MYO1F: variants seen among roughly 807,000 people sequenced by gnomAD.
MYO1F encodes unconventional myosin-If.
In MYO1F, 60 loss-of-function variants were observed where a neutral mutation model predicts 146.6. The ratio of observed to expected loss-of-function variants is 0.41; its 90% CI spans 0.33 to 0.51. The LOEUF (loss-of-function observed/expected upper bound fraction) is 0.51. Ranked by LOEUF, MYO1F falls within the 20% of genes least tolerant of loss-of-function variation. MYO1F has a pLI of 0.25. For synonymous variants in MYO1F, 602 were observed against 602.1 expected, an observed-to-expected ratio of 1.00 and a Z score of 0.00; for missense variants, 1,274 against 1,534.3, an observed-to-expected ratio of 0.83 and a Z score of 2.83.
intron 2 of MYO1F, 71 bp downstream of exon 2, chr19:8,555,588 C>T (rs773215733): frequency 6.5e-5 from 104 of 1,604,418 alleles, no homozygotes; most frequent in East Asian, 2.7e-4. Flanking sequence ...CTCCTTCACC[C>T]TCCTCTCCGT....
rs749937426 is a variant in MYO1F, at chr19:8,553,272, A to AG, written c.415-45dup. On this transcript the variant is annotated intron_variant, in intron 5 of 27. Transcript: ENST00000644032. ...GAGTGGGAAGAAGTCAGACTGAGGC[A>AG]GGAGTGCAGATGGGTGGGGCTGCAC... The AG allele has an allele frequency of 2.5e-6, 4 of 1,610,570 alleles. No homozygotes were observed. The South Asian group carries it at 4.4e-5, about 18-fold the overall frequency.
chr19:8,543,768 CTGGT>C lies in MYO1F; in HGVS notation c.1524+525_1524+528del, dbSNP rs1973133575. Among the ~76,000 whole-genome samples the C allele has an allele frequency of 2.7e-4, 3 of 10,946 alleles. 1 individual carries two copies. The highest frequency in any genetic ancestry group is 1.0e-3 in the African/African-American group (2 of 1,910). 7.2% of individuals were successfully genotyped at this position (10,946 alleles called of 152,430 possible). A position where few individuals can be genotyped will look rare whatever the true frequency, so the allele number is the denominator to read the frequency against. On this transcript the variant is annotated intron_variant, in intron 14 of 27. Coordinates refer to ENST00000644032, the MANE Select transcript of MYO1F (RefSeq NM_012335.4). ...GCTGGTGGTGGTGGTGGTGGTGGTG[CTGGT>C]GGTGCTGGTGGTGCTGGTGGTGGTG... is the stretch of plus-strand genomic sequence containing the variant.
intron 1 of MYO1F, among the ~76,000 whole-genome samples, chr19:8,567,238 G>C (rs1004230315): frequency 5.3e-5 from 8 of 151,388 alleles, no homozygotes; most frequent in Admixed American, 2.6e-4. Context: ...GCTAATTTTT[G>C]TATTTTTAGT....
At chr19:8,547,497 G>A (rs771536283) in intron 12 of MYO1F, among the ~76,000 whole-genome samples, 15 of 151,300 alleles carry the variant, frequency 9.9e-5, no homozygotes, top group South Asian at 2.1e-4. Flanking sequence ...CCAGCTGCTC[G>A]GGAGGCTGAG....
chr19:8,553,534 A>G, intron 4 of MYO1F, 97 bp from the exon 5 acceptor site: 2 of 981,122 alleles, frequency 2.0e-6, no homozygotes, highest in South Asian at 2.6e-5. Context: ...TGTGCCTGCC[A>G]GTATTCCGGG....
At chr19:8,537,298 C>T (rs1052398588) in intron 16 of MYO1F, among the ~76,000 whole-genome samples, 30 of 152,148 alleles carry the variant, frequency 2.0e-4, no homozygotes, top group African/African-American at 6.5e-4. Flanking sequence ...GGAGCTCTCA[C>T]GTCTACCGCA....
At chr19:8,534,171 T>A (rs1433549789) in intron 19 of MYO1F, among the ~76,000 whole-genome samples, 1 of 145,076 alleles carries the variant, frequency 6.9e-6, no homozygotes, top group Non-Finnish European at 1.5e-5. Flanking sequence ...AGAGCGAGAC[T>A]CTGTCTAAAA....
At chr19:8,534,239 T>C (rs1204246075) in intron 19 of MYO1F, among the ~76,000 whole-genome samples, 3 of 151,986 alleles carry the variant, frequency 2.0e-5, no homozygotes, top group Non-Finnish European at 4.4e-5. Context: ...AGGCTCCAAC[T>C]CCATTAAGCT....
chr19:8,539,803 C>A (rs1972879753), intron 16 of MYO1F, 144 bp downstream of exon 16: 1 of 693,218 alleles, frequency 1.4e-6, no homozygotes, highest in Non-Finnish European at 2.4e-6. Context: ...CCCTGCTGAA[C>A]AGATGACGTC....
rs766022809 is a variant in MYO1F, at chr19:8,541,949, C to T, written c.1567G>A (p.Val523Ile). 3.7e-6 allele frequency: 6 copies of T among 1,613,398 alleles called. No homozygotes were observed. The highest frequency in any genetic ancestry group is 2.7e-5 in the African/African-American group (2 of 74,886). Residue 523 changes from valine (V) to isoleucine (I), a missense_variant, in exon 15 of 28, where the codon GTT becomes ATT. Coordinates refer to ENST00000644032, the MANE Select transcript of MYO1F (RefSeq NM_012335.4). ...VSGFCERNRD[V>I]LFSDLIELMQ... ...AGCTCTATGAGGTCGGAGAAGAGAA[C>T]GTCTCGGTTCCTCTCGCAGAAGCCG... is the stretch of plus-strand genomic sequence containing the variant.
intron 1 of MYO1F, among the ~76,000 whole-genome samples, chr19:8,558,573 A>G (rs138949132): frequency 2.2e-3 from 338 of 152,152 alleles, no homozygotes; most frequent in Middle Eastern, 0.014. Flanking sequence ...GCCCGACTGA[A>G]TTTATCTAGT....
Position 8,521,563 on chromosome 19 carries a change from C to T in MYO1F, c.3262G>A (p.Gly1088Ser). 2 of 1,614,192 alleles carry T rather than the reference C, an allele frequency of 1.2e-6. No homozygotes were observed. The highest frequency in any genetic ancestry group is 1.1e-5 in the South Asian group (1 of 91,084). Residue 1088 changes from glycine (G) to serine (S), a missense_variant, in exon 28 of 28, where the codon GGC becomes AGC. Coordinates refer to ENST00000644032, the MANE Select transcript of MYO1F (RefSeq NM_012335.4). ...TCCACGTAGTTTCCTGGGAAAAGGC[C>T]CTCCTGGCCGTGAAGCCGGCCCTTC... is the stretch of plus-strand genomic sequence containing the variant. The part of the protein sequence containing the change: ...WWKGRLHGQE[G>S]LFPGNYVEKI
chr19:8,530,059 C>G lies in MYO1F; in HGVS notation c.2328+137G>C. ...ATGCCTGTGGGCAGGTGCATATGGG[C>G]CAGGTGAGGGTGTACCTGTGATGGA... On this transcript the variant is annotated intron_variant, in intron 21 of 27. Transcript: ENST00000644032. This position sits in a 1 kb window ranked among gnomAD's most constrained non-coding sequence, Gnocchi z 5.8. The G allele has an allele frequency of 8.2e-7, 1 of 1,222,180 alleles. No individual in the cohort carries two copies. Among genetic ancestry groups the G allele is most frequent in the East Asian group, 2.3e-5 (1 of 42,788 alleles). The allele number at this position is 1,222,180 out of a possible 1,614,324, so 75.7% of individuals were successfully genotyped here.
Position 8,565,926 on chromosome 19 carries a change from C to CA in MYO1F, c.4-10131dup, listed in dbSNP as rs938726798. Among the ~76,000 whole-genome samples, 937 of 146,646 alleles carry CA rather than the reference C, an allele frequency of 6.4e-3. 9 individuals carry two copies. The highest frequency in any genetic ancestry group is 0.022 in the African/African-American group (866 of 39,986). On this transcript the variant is annotated intron_variant, in intron 1 of 27. Coordinates refer to ENST00000644032, the MANE Select transcript of MYO1F (RefSeq NM_012335.4). ...CAACATAGTGAGACCCCCATCTCTG[C>CA]AAAAAAAAATAAAAAATAAAAAATA...
chr19:8,526,809 CA>C lies in MYO1F; in HGVS notation c.2600del (p.Leu867ArgfsTer13), dbSNP rs1287074594. 6.2e-7 allele frequency: 1 copy of C among 1,612,564 alleles called. No homozygotes were observed. Among genetic ancestry groups the C allele is most frequent in the Non-Finnish European group, 8.5e-7 (1 of 1,179,536 alleles). ...CGTACGTGTCGCTGAAGGTGAGGGGCAGGGGCCTCCGCGTCGCCTCCTCGAA... is the reference window on the plus strand; with the variant it reads ...CGTACGTGTCGCTGAAGGTGAGGGGCGGGGCCTCCGCGTCGCCTCCTCGAA... Reference protein sequence around the residue: ...KRFEEATRRPLPLTFSDTLQF... With the variant: ...KRFEEATRRPXPLTFSDTLQF... On this transcript the variant is annotated frameshift_variant, in exon 23 of 28. Coordinates refer to ENST00000644032, the MANE Select transcript of MYO1F (RefSeq NM_012335.4). LOFTEE classifies it high-confidence loss of function.
At chr19:8,544,069 T>TGGTGGTGGTGCTGGTGGTGCTGGTGGTG in intron 14 of MYO1F, 1 of 563,648 alleles carries the variant, frequency 1.8e-6, no homozygotes, top group Non-Finnish European at 3.2e-6. Flanking sequence ...GTGGTGGTGG[T>TGGTGGTGGTGCTGGTGGTGCTGGTGGTG]GTCCAGACAA....
chr19:8,550,760 G>C, intron 8 of MYO1F, 66 bp from the exon 9 acceptor site: 2 of 1,608,470 alleles, frequency 1.2e-6, no homozygotes, highest in Non-Finnish European at 1.7e-6. Flanking sequence ...CCAGGGGCAG[G>C]CTTGAGGGAC....
At chr19:8,556,204 A>G (rs1359146446) in intron 1 of MYO1F, among the ~76,000 whole-genome samples, 2 of 150,380 alleles carry the variant, frequency 1.3e-5, no homozygotes, top group Admixed American at 6.6e-5. Flanking sequence ...AATTTTTAAT[A>G]TTTTTGGTAG....
chr19:8,552,129 C>T lies in MYO1F; in HGVS notation c.540G>A (p.Gly180=). The change falls in exon 7 of 28, where the codon GGG becomes GGA. Residue 180 remains glycine (G), a synonymous_variant. Transcript: ENST00000644032. ...KYFEIQFSRG[G]EPDGGKISNF... is the part of the protein sequence containing the mutation. ...TGGAGATCTTGCCCCCATCTGGCTCCCCACCTCGGCTGAACTGGATCTCAA... is the reference window on the plus strand; with the variant it reads ...TGGAGATCTTGCCCCCATCTGGCTCTCCACCTCGGCTGAACTGGATCTCAA... The T allele has an allele frequency of 6.2e-7, 1 of 1,614,140 alleles. No homozygotes were observed. The highest frequency in any genetic ancestry group is 1.3e-5 in the African/African-American group (1 of 75,022).
Sources: allele counts gnomAD v4.1 joint callset (sites outside exome capture counted in the v4.1 genomes callset), GRCh38; gene constraint gnomAD v4.1.1; non-coding constraint Gnocchi (gnomAD v3.1); transcripts MANE v1.5; gene names NCBI Gene and HGNC (gene_info 2026-07-23, HGNC 2026-07-21).